Variants in HDAC4 observed in about 807,000 individuals in gnomAD.
The protein encoded by HDAC4 is histone deacetylase A.
In HDAC4, 16 loss-of-function variants were observed where a neutral mutation model predicts 135.1. The ratio of observed to expected loss-of-function variants is 0.12; its 90% CI spans 0.08 to 0.18. HDAC4 has a LOEUF of 0.18. Among genes scored for constraint, HDAC4 ranks in the 10% least tolerant of loss-of-function variants. The probability of loss-of-function intolerance (pLI) is 1.00; values close to 1 mark genes in which losing one functional copy is unlikely to be tolerated. For synonymous variants in HDAC4, 685 were observed against 653.4 expected (o/e 1.05, Z -0.74); for missense variants, 1,143 against 1,511.8 (o/e 0.76, Z 4.05).
At chr2:239,227,820 C>T (rs769076418) in intron 3 of HDAC4, among the ~76,000 whole-genome samples, 3 of 152,338 alleles carry the variant, frequency 2.0e-5, no homozygotes, top group South Asian at 2.1e-4. Context: ...CGAGAGTCAT[C>T]GCCCTGCAGA....
chr2:239,285,957 G>A lies in HDAC4; in HGVS notation c.23-49293C>T, dbSNP rs1023635442. 6.6e-6 allele frequency among the ~76,000 whole-genome samples: 1 copy of A among 151,942 alleles called. No homozygotes were observed. The highest frequency in any genetic ancestry group is 2.4e-5 in the African/African-American group (1 of 41,336). The stretch of plus-strand genomic sequence containing the variant: ...TCTATTTCCAAACAGTAAGACCAGC[G>A]AGACATACGCTCCCAAGCAAACACA... On this transcript the variant is annotated intron_variant, in intron 2 of 26. Transcript: ENST00000543185. This position sits in a 1 kb window ranked among gnomAD's most constrained non-coding sequence, Gnocchi z 4.5.
At chr2:239,196,418 C>T (rs1414608502) in intron 3 of HDAC4, among the ~76,000 whole-genome samples, 2 of 152,222 alleles carry the variant, frequency 1.3e-5, no homozygotes, top group Non-Finnish European at 2.9e-5. Context: ...TGTTAAGTGT[C>T]CTCTTGCTTT....
chr2:239,181,171 C>A (rs1238425784), intron 4 of HDAC4, among the ~76,000 whole-genome samples: 1 of 152,270 alleles, frequency 6.6e-6, no homozygotes, highest in African/African-American at 2.4e-5. Context: ...CACAAACACG[C>A]CCACCCACCT....
At chr2:239,158,431 T>C (rs1425163446) in intron 6 of HDAC4, among the ~76,000 whole-genome samples, 1 of 152,208 alleles carries the variant, frequency 6.6e-6, no homozygotes, top group Non-Finnish European at 1.5e-5. Flanking sequence ...ACGGTAGGAT[T>C]TGCTTACAGT....
chr2:239,088,695 T>C (rs1477701294), intron 18 of HDAC4, among the ~76,000 whole-genome samples: 1 of 152,088 alleles, frequency 6.6e-6, no homozygotes, highest in African/African-American at 2.4e-5. Context: ...TTTTAGTAGA[T>C]CTCCGCCCTC....
At chr2:239,053,250 G>A in intron 26 of HDAC4, 114 bp from the exon 27 acceptor site, 3 of 1,426,390 alleles carry the variant, frequency 2.1e-6, no homozygotes, top group Non-Finnish European at 2.9e-6. Flanking sequence ...GCCTAGCCCT[G>A]GCCTGGCAGC....
chr2:239,316,219 C>T (rs1434135053), intron 2 of HDAC4, among the ~76,000 whole-genome samples: 1 of 152,170 alleles, frequency 6.6e-6, no homozygotes, highest in Non-Finnish European at 1.5e-5. Context: ...TATAAGTTTC[C>T]TATAGGAAAT....
chr2:239,233,168 A>C (rs912073265), intron 3 of HDAC4, among the ~76,000 whole-genome samples: 1 of 152,254 alleles, frequency 6.6e-6, no homozygotes, highest in Admixed American at 6.5e-5. Flanking sequence ...TTTACAATTA[A>C]AATTTTTAAA....
At chr2:239,055,076 AG>A (rs1172827775) in intron 24 of HDAC4, 2 of 440,356 alleles carry the variant, frequency 4.5e-6, no homozygotes, top group Non-Finnish European at 8.4e-6. Flanking sequence ...AGTAGCAGGA[AG>A]AAAGACAGTC....
chr2:239,137,293 G>A (rs1418968104), intron 9 of HDAC4, among the ~76,000 whole-genome samples: 1 of 152,236 alleles, frequency 6.6e-6, no homozygotes, highest in Non-Finnish European at 1.5e-5. Flanking sequence ...CAGAGGGAAA[G>A]TCCGCGGGCC....
intron 6 of HDAC4, 122 bp from the exon 7 acceptor site, chr2:239,156,895 C>T (rs1240857419): frequency 3.6e-6 from 4 of 1,105,942 alleles, no homozygotes; most frequent in East Asian, 2.5e-5. Context: ...TCAACAGACA[C>T]ACCTTTTCCC....
chr2:239,317,540 T>C lies in HDAC4; in HGVS notation c.22+35138A>G, dbSNP rs73100797. 3.8e-3 allele frequency among the ~76,000 whole-genome samples: 586 copies of C among 152,254 alleles called. 4 individuals carry two copies. Among genetic ancestry groups the C allele is most frequent in the African/African-American group, 0.014 (565 of 41,538 alleles). The stretch of plus-strand genomic sequence containing the variant: ...GAGGGACCTGCCAGAAACGCCAGCA[T>C]GAAGGGGCTCTCATTGGCCAAACTG... On this transcript the variant is annotated intron_variant, in intron 2 of 26. Coordinates refer to ENST00000543185, the MANE Select transcript of HDAC4 (RefSeq NM_001378414.1).
At chr2:239,144,523 A>T in intron 8 of HDAC4, 60 bp downstream of exon 8, 1 of 1,609,130 alleles carries the variant, frequency 6.2e-7, no homozygotes, top group Non-Finnish European at 8.5e-7. Flanking sequence ...GAAATCGCCT[A>T]TGGCAGGAAG....
intron 2 of HDAC4, among the ~76,000 whole-genome samples, chr2:239,249,151 G>A (rs1300430030): frequency 6.6e-6 from 1 of 152,222 alleles, no homozygotes; most frequent in Non-Finnish European, 1.5e-5. Context: ...CGATCCCAAC[G>A]AGGTACACAC....
At chr2:239,281,669 C>A (rs1168844433) in intron 2 of HDAC4, among the ~76,000 whole-genome samples, 1 of 150,930 alleles carries the variant, frequency 6.6e-6, no homozygotes, top group Non-Finnish European at 1.5e-5. Context: ...AATGTACACA[C>A]CACTCTGCAA....
intron 9 of HDAC4, among the ~76,000 whole-genome samples, chr2:239,138,952 G>C (rs937885817): frequency 6.6e-6 from 1 of 152,176 alleles, no homozygotes; most frequent in African/African-American, 2.4e-5. Context: ...TTGCCACTCA[G>C]CTCCTGCGTC....
intron 1 of HDAC4, among the ~76,000 whole-genome samples, chr2:239,391,884 C>A (rs911339344): frequency 1.1e-4 from 17 of 150,904 alleles, no homozygotes; most frequent in Non-Finnish European, 1.9e-4. Flanking sequence ...CAGAAGAATT[C>A]TGAAAACAGA....
At chr2:239,389,624 G>A (rs577820722) in intron 1 of HDAC4, among the ~76,000 whole-genome samples, 120 of 152,256 alleles carry the variant, frequency 7.9e-4, no homozygotes, top group Admixed American at 2.5e-3. Context: ...GGCGAGGTCC[G>A]CAGAGCGTTC....
chr2:239,180,747 G>GT (rs2044097589), intron 4 of HDAC4, among the ~76,000 whole-genome samples: 1 of 152,192 alleles, frequency 6.6e-6, no homozygotes, highest in South Asian at 2.1e-4. Context: ...ATGGAAGGGT[G>GT]TGCTGGGCCG....
Sources: allele counts gnomAD v4.1 joint callset (sites outside exome capture counted in the v4.1 genomes callset), GRCh38; gene constraint gnomAD v4.1.1; non-coding constraint Gnocchi (gnomAD v3.1); transcripts MANE v1.5; gene names NCBI Gene and HGNC (gene_info 2026-07-23, HGNC 2026-07-21).